The following NCS1 variants were observed in gnomAD, a reference collection of about 807,000 sequenced individuals.
NCS1 encodes the protein neuronal calcium sensor 1, also known as frequenin homolog.
Under a neutral mutation model 28.4 loss-of-function variants are expected in NCS1, and 6 were observed. That is an observed-to-expected ratio of 0.21 (90% CI 0.12 to 0.42). The LOEUF (loss-of-function observed/expected upper bound fraction) is 0.42, where lower values mean the gene tolerates loss of function less well. NCS1 is among the 10% of genes least tolerant of loss of function. The pLI, the probability that NCS1 is intolerant of heterozygous loss-of-function variation, is 1.00. For missense variants in NCS1, 131 were observed against 241.4 expected (o/e 0.54, Z 3.03); for synonymous variants, 86 against 99.3 (o/e 0.87, Z 0.79).
chr9:130,195,719 C>G (rs533886462), intron 1 of NCS1, among the ~76,000 whole-genome samples: 1 of 152,230 alleles, frequency 6.6e-6, no homozygotes, highest in Non-Finnish European at 1.5e-5. Flanking sequence ...CCACCGCGCT[C>G]GGGCGCAGCT....
At chr9:130,198,449 C>T (rs73545544) in intron 1 of NCS1, among the ~76,000 whole-genome samples, 182 of 152,334 alleles carry the variant, frequency 1.2e-3, no homozygotes, top group African/African-American at 4.3e-3. Flanking sequence ...TGCTGCCACC[C>T]CTTGCCAAGG....
At chr9:130,222,545 A>C in intron 4 of NCS1, 105 bp from the exon 5 acceptor site, 2 of 870,888 alleles carry the variant, frequency 2.3e-6, no homozygotes, top group Non-Finnish European at 3.9e-6. Context: ...GGAATGGGCC[A>C]TCCGGTCGCT....
chr9:130,218,065 T>A, intron 3 of NCS1, 95 bp downstream of exon 3: 1 of 1,526,428 alleles, frequency 6.6e-7, no homozygotes, highest in South Asian at 1.1e-5. Context: ...CGATGTTCCC[T>A]TCTAGAGAAG....
In NCS1 at chr9:130,200,590, A is replaced by G. The variant is rs73545547; in HGVS notation, c.65-368A>G. On this transcript the variant is annotated intron_variant, in intron 1 of 7. Coordinates refer to ENST00000372398, the MANE Select transcript of NCS1 (RefSeq NM_014286.4). ...GGGCCTTCCCTGACATCCCGTCCCCAGGGATTGAGAGATGGCAACGAGTAA... is the reference window on the plus strand; with the variant it reads ...GGGCCTTCCCTGACATCCCGTCCCCGGGGATTGAGAGATGGCAACGAGTAA... 15,557 of 1,551,710 alleles carry G rather than the reference A, an allele frequency of 0.01. 1,178 individuals carry two copies. The African/African-American group carries it at 0.17, about 17-fold the overall frequency.
chr9:130,224,225 C>T (rs1429531165), intron 6 of NCS1, among the ~76,000 whole-genome samples: 7 of 142,844 alleles, frequency 4.9e-5, no homozygotes, highest in African/African-American at 1.0e-4. Flanking sequence ...GAGGCCGAGG[C>T]GGGTGAATCA....
intron 7 of NCS1, among the ~76,000 whole-genome samples, chr9:130,229,779 A>C (rs560238623): frequency 1.3e-5 from 2 of 152,232 alleles, no homozygotes; most frequent in South Asian, 4.1e-4. Flanking sequence ...CCTTGTGCCT[A>C]CGCGGTAGTG....
rs1406173669 is a variant in NCS1, at chr9:130,234,979, C to G, written c.*2007C>G. ...ACCCTCAGCAAGCAGGCCTCCAGCC[C>G]GAGGAAGGCCTCTGCCGTAGTGACG... On this transcript the variant is annotated 3_prime_UTR_variant, in exon 8 of 8. Transcript: ENST00000372398. This position sits in a 1 kb window ranked among gnomAD's most constrained non-coding sequence, Gnocchi z 6.1. 1 of 152,292 alleles carries G rather than the reference C, an allele frequency of 6.6e-6. No individual in the cohort carries two copies. The highest frequency in any genetic ancestry group is 1.5e-5 in the Non-Finnish European group (1 of 68,140). The allele number at this position is 152,292 out of a possible 1,614,324, so 9.4% of individuals were successfully genotyped here. A position where few individuals can be genotyped will look rare whatever the true frequency, so the allele number is the denominator to read the frequency against.
rs368565908 is a variant in NCS1, at chr9:130,191,044, G to A, written c.65-9914G>A. The stretch of plus-strand genomic sequence containing the variant: ...CCTCTGACTTTTATTCAGACACCAC[G>A]ACTCCTCATCGGCACAGCATCTCCA... On this transcript the variant is annotated intron_variant, in intron 1 of 7. Transcript: ENST00000372398. This position sits in a 1 kb window ranked among gnomAD's most constrained non-coding sequence, Gnocchi z 6.4. Among the ~76,000 whole-genome samples the A allele has an allele frequency of 2.6e-5, 4 of 152,158 alleles. No homozygotes were observed. The highest frequency in any genetic ancestry group is 7.2e-5 in the African/African-American group (3 of 41,436).
At chr9:130,187,108 G>A (rs1311972270) in intron 1 of NCS1, among the ~76,000 whole-genome samples, 8 of 152,148 alleles carry the variant, frequency 5.3e-5, no homozygotes, top group African/African-American at 1.9e-4. Context: ...CAGGGCAAGG[G>A]CTCCGCTAGG....
chr9:130,189,112 A>G (rs1554905966), intron 1 of NCS1, among the ~76,000 whole-genome samples: 1 of 152,216 alleles, frequency 6.6e-6, no homozygotes, highest in Non-Finnish European at 1.5e-5. Context: ...AGAGGACAGG[A>G]ACCTGTGTCT....
At chr9:130,227,208 G>A (rs1197634379) in intron 7 of NCS1, among the ~76,000 whole-genome samples, 1 of 152,186 alleles carries the variant, frequency 6.6e-6, no homozygotes. Flanking sequence ...AGCACGCCTG[G>A]CAGAGGCCCC....
chr9:130,201,036 G>A, intron 2 of NCS1, 54 bp downstream of exon 2: 8 of 1,611,172 alleles, frequency 5.0e-6, no homozygotes, highest in Non-Finnish European at 5.9e-6. Flanking sequence ...TGGGCTTTGT[G>A]GGCTGTGGGC....
chr9:130,194,835 C>G (rs1382414126), intron 1 of NCS1, among the ~76,000 whole-genome samples: 3 of 152,220 alleles, frequency 2.0e-5, no homozygotes, highest in African/African-American at 7.2e-5. Context: ...AAAAATTGGC[C>G]AAAGCCAGAT....
intron 6 of NCS1, among the ~76,000 whole-genome samples, chr9:130,225,091 C>T (rs2131158759): frequency 6.6e-6 from 1 of 152,278 alleles, no homozygotes. Context: ...ACTCGGGAGG[C>T]TGAAGTGGGA....
At chr9:130,174,552 G>A (rs1439472209) in intron 1 of NCS1, among the ~76,000 whole-genome samples, 6 of 152,128 alleles carry the variant, frequency 3.9e-5, no homozygotes, top group African/African-American at 1.4e-4. Context: ...GAGCTCTTCT[G>A]GGCCAGGCAC....
chr9:130,196,765 C>T (rs1295046742), intron 1 of NCS1, among the ~76,000 whole-genome samples: 2 of 152,112 alleles, frequency 1.3e-5, no homozygotes, highest in Admixed American at 1.3e-4. Flanking sequence ...AGAAAAAGGG[C>T]ATTAGCCTCA....
chr9:130,213,084 C>T (rs1833133875), intron 2 of NCS1, among the ~76,000 whole-genome samples: 1 of 152,270 alleles, frequency 6.6e-6, no homozygotes, highest in South Asian at 2.1e-4. Context: ...TTTACCCATG[C>T]GCTTACACGG....
chr9:130,185,228 C>T (rs781791048), intron 1 of NCS1, among the ~76,000 whole-genome samples: 1 of 152,240 alleles, frequency 6.6e-6, no homozygotes, highest in Non-Finnish European at 1.5e-5. Context: ...CTGTGAGGAC[C>T]GACTGCATCT....
chr9:130,172,717 G>A lies in NCS1; in HGVS notation c.54G>A (p.Arg18=). The A allele has an allele frequency of 1.3e-6, 2 of 1,518,490 alleles. No individual in the cohort carries two copies. Among genetic ancestry groups the A allele is most frequent in the Non-Finnish European group, 1.8e-6 (2 of 1,128,714 alleles). 94.1% of individuals were successfully genotyped at this position (1,518,490 alleles called of 1,614,324 possible). A position where few individuals can be genotyped will look rare whatever the true frequency, so the allele number is the denominator to read the frequency against. ...CCGAAGTTGTGGAGGAGCTGACCAG[G>A]AAGACCTACTGTGAGTGCTCCCAGC... ...LKPEVVEELT[R]KTYFTEKEVQ... Residue 18 remains arginine (R), a synonymous_variant, in exon 1 of 8, where the codon AGG becomes AGA. Transcript: ENST00000372398.
Sources: allele counts gnomAD v4.1 joint callset (sites outside exome capture counted in the v4.1 genomes callset), GRCh38; gene constraint gnomAD v4.1.1; non-coding constraint Gnocchi (gnomAD v3.1); transcripts MANE v1.5; gene names NCBI Gene and HGNC (gene_info 2026-07-23, HGNC 2026-07-21).